NALF1: variants seen among roughly 807,000 people sequenced by gnomAD.
NALF1 encodes the protein family with sequence similarity 155 member A.
Under a neutral mutation model 48.4 loss-of-function variants are expected in NALF1, and 3 were observed. The ratio of observed to expected loss-of-function variants is 0.06; its 90% CI spans 0.03 to 0.16. The LOEUF is 0.16. NALF1 is among the 10% of genes least tolerant of loss of function. The probability of loss-of-function intolerance (pLI) is 1.00; values close to 1 mark genes in which losing one functional copy is unlikely to be tolerated. For missense variants in NALF1, 526 were observed against 571.5 expected (o/e 0.92, Z 0.81); for synonymous variants, 262 against 245.7 (o/e 1.07, Z -0.62).
intron 1 of NALF1, among the ~76,000 whole-genome samples, chr13:107,789,593 A>G (rs1459532390): frequency 1.3e-5 from 2 of 152,214 alleles, no homozygotes; most frequent in Non-Finnish European, 2.9e-5. Flanking sequence ...CTACACCCCA[A>G]ACACCATCAC....
At chr13:107,170,959 C>A (rs1405984049) in intron 2 of NALF1, among the ~76,000 whole-genome samples, 173 bp from the exon 3 acceptor site, 1 of 152,202 alleles carries the variant, frequency 6.6e-6, no homozygotes, top group Admixed American at 6.5e-5. Context: ...TGGTCTCAAA[C>A]CAGTATTGTT....
chr13:107,497,896 C>T (rs1033534908), intron 1 of NALF1, among the ~76,000 whole-genome samples: 4 of 152,116 alleles, frequency 2.6e-5, no homozygotes, highest in Non-Finnish European at 2.9e-5. Context: ...GCAAATCTGC[C>T]ATATGCATGC....
chr13:107,388,458 C>T (rs1421304049), intron 1 of NALF1, among the ~76,000 whole-genome samples: 2 of 152,034 alleles, frequency 1.3e-5, no homozygotes, highest in African/African-American at 4.8e-5. Flanking sequence ...TATGTTTGTC[C>T]CAACACTGCC....
chr13:107,326,873 G>C (rs557505308), intron 1 of NALF1, among the ~76,000 whole-genome samples: 92 of 148,266 alleles, frequency 6.2e-4, no homozygotes, highest in African/African-American at 2.2e-3. Context: ...TGGGCCTTGA[G>C]GGTGATCTTA....
At chr13:107,479,695 A>G (rs1327612594) in intron 1 of NALF1, among the ~76,000 whole-genome samples, 1 of 152,192 alleles carries the variant, frequency 6.6e-6, no homozygotes, top group African/African-American at 2.4e-5. Context: ...ATGCACCACC[A>G]ATTAATATCC....
intron 1 of NALF1, among the ~76,000 whole-genome samples, chr13:107,710,646 G>T (rs188539985): frequency 1.3e-5 from 2 of 149,418 alleles, no homozygotes; most frequent in African/African-American, 5.1e-5. Context: ...ACTCACTATC[G>T]CAAGAAGAGC....
chr13:107,704,348 C>T (rs1007231750), intron 1 of NALF1, among the ~76,000 whole-genome samples: 1 of 152,116 alleles, frequency 6.6e-6, no homozygotes, highest in Admixed American at 6.5e-5. Context: ...AATTCTGAAT[C>T]ATTAGATCTA....
At chr13:107,737,341 T>G (rs887403998) in intron 1 of NALF1, among the ~76,000 whole-genome samples, 2 of 152,332 alleles carry the variant, frequency 1.3e-5, no homozygotes, top group Non-Finnish European at 2.9e-5. Context: ...TAAGCCAAAT[T>G]ATTTTAAATA....
intron 1 of NALF1, among the ~76,000 whole-genome samples, chr13:107,738,556 T>C (rs1305487226): frequency 2.6e-5 from 4 of 152,238 alleles, no homozygotes; most frequent in African/African-American, 9.6e-5. Context: ...AATATCACTT[T>C]GTGTAATAAA....
intron 1 of NALF1, among the ~76,000 whole-genome samples, chr13:107,655,950 T>C (rs1362408064): frequency 6.6e-6 from 1 of 152,090 alleles, no homozygotes; most frequent in East Asian, 1.9e-4. Context: ...GATAATTGGC[T>C]AGCCACATGT....
intron 1 of NALF1, among the ~76,000 whole-genome samples, chr13:107,263,265 C>T (rs1341748975): frequency 6.6e-6 from 1 of 151,400 alleles, no homozygotes; most frequent in African/African-American, 2.4e-5. Flanking sequence ...CACACACACA[C>T]ACACACACAC....
intron 1 of NALF1, among the ~76,000 whole-genome samples, chr13:107,759,592 T>C (rs1009619972): frequency 2.6e-5 from 4 of 152,162 alleles, no homozygotes; most frequent in African/African-American, 9.7e-5. Context: ...AGACTGGTTT[T>C]GTTAGTACCT....
intron 1 of NALF1, among the ~76,000 whole-genome samples, chr13:107,300,981 T>C (rs1455230730): frequency 6.6e-6 from 1 of 152,216 alleles, no homozygotes; most frequent in African/African-American, 2.4e-5. Flanking sequence ...CTTAAATCTA[T>C]CAGGTTACTA....
chr13:107,256,387 A>G (rs1162184247), intron 1 of NALF1, among the ~76,000 whole-genome samples: 2 of 152,192 alleles, frequency 1.3e-5, no homozygotes, highest in African/African-American at 4.8e-5. Flanking sequence ...AACTGGCAAA[A>G]AAATATAGAT....
intron 1 of NALF1, among the ~76,000 whole-genome samples, chr13:107,243,172 A>G (rs1880510789): frequency 6.6e-6 from 1 of 151,764 alleles, no homozygotes; most frequent in African/African-American, 2.4e-5. Flanking sequence ...GGGCTCCACC[A>G]TTTTCTAGGA....
chr13:107,862,940 A>G (rs57640248), intron 1 of NALF1, among the ~76,000 whole-genome samples: 7,089 of 151,726 alleles, frequency 0.047, 318 homozygotes, highest in East Asian at 0.21. Context: ...TAATAAAGTT[A>G]ATATAGTTTT....
chr13:107,565,556 A>C (rs764037767), intron 1 of NALF1, among the ~76,000 whole-genome samples: 16 of 152,216 alleles, frequency 1.1e-4, no homozygotes, highest in Non-Finnish European at 2.2e-4. Flanking sequence ...AGAAGAATGC[A>C]GTCCCGAGAG....
intron 1 of NALF1, among the ~76,000 whole-genome samples, chr13:107,471,388 G>C (rs1034961087): frequency 1.3e-5 from 2 of 152,206 alleles, no homozygotes; most frequent in African/African-American, 4.8e-5. Flanking sequence ...AGGTGCAAAA[G>C]AAGGGAGGGA....
chr13:107,592,985 T>C (rs1244992630), intron 1 of NALF1, among the ~76,000 whole-genome samples: 2 of 151,870 alleles, frequency 1.3e-5, no homozygotes, highest in Non-Finnish European at 2.9e-5. Context: ...CTTTTATAGA[T>C]ATATAAAAAT....
Sources: gnomAD v4.1 joint callset for allele counts (sites outside exome capture counted in the v4.1 genomes callset) on GRCh38, gnomAD v4.1.1 for gene constraint, MANE v1.5 for transcripts, NCBI Gene and HGNC (gene_info 2026-07-23, HGNC 2026-07-21) for gene names.